Variants in SRRM3 observed in about 807,000 individuals in gnomAD.
SRRM3 encodes serine/arginine repetitive matrix 3, also known as serine/arginine repetitive matrix protein 3.
A neutral mutation model predicts 66.2 loss-of-function variants in SRRM3; 27 were observed. That is an observed-to-expected ratio of 0.41 (90% CI 0.30 to 0.56). The LOEUF (loss-of-function observed/expected upper bound fraction) is 0.56, where lower values mean the gene tolerates loss of function less well. Ranked by LOEUF, SRRM3 falls within the 20% of genes least tolerant of loss-of-function variation. The probability of loss-of-function intolerance (pLI) is 0.32; values close to 1 mark genes in which losing one functional copy is unlikely to be tolerated. For missense variants in SRRM3, 918 were observed against 991.9 expected, an observed-to-expected ratio of 0.93 and a Z score of 1.00; for synonymous variants, 391 against 414.9, an observed-to-expected ratio of 0.94 and a Z score of 0.70.
chr7:76,253,528 G>A (rs1401191919), intron 3 of SRRM3, among the ~76,000 whole-genome samples: 3 of 151,918 alleles, frequency 2.0e-5, no homozygotes, highest in African/African-American at 4.8e-5. Flanking sequence ...AGCTGAGGCA[G>A]GAGAATGGCG....
At chr7:76,207,993 T>C (rs76839897) in intron 1 of SRRM3, among the ~76,000 whole-genome samples, 5,474 of 152,274 alleles carry the variant, frequency 0.036, 232 homozygotes, top group East Asian at 0.15. Flanking sequence ...CCCTGCCCTG[T>C]CCCTCTTGGG....
At position 76,286,199 on chromosome 7, in the gene SRRM3, G is replaced by A. The variant is rs781152668; in HGVS notation, c.*356G>A. On this transcript the variant is annotated 3_prime_UTR_variant, in exon 15 of 15. Coordinates refer to ENST00000611745, the MANE Select transcript of SRRM3 (RefSeq NM_001110199.3). ...TGGATGGTACCAGAGTCCATGATCT[G>A]CTCTGTCACTTCACCTTAGCTCAGT... 1 of 337,120 alleles carries A rather than the reference G, an allele frequency of 3.0e-6. No homozygotes were observed. Among genetic ancestry groups the A allele is most frequent in the Non-Finnish European group, 5.8e-6 (1 of 173,174 alleles). 20.9% of individuals were successfully genotyped at this position (337,120 alleles called of 1,614,324 possible). A position where few individuals can be genotyped will look rare whatever the true frequency, so the allele number is the denominator to read the frequency against.
intron 11 of SRRM3, among the ~76,000 whole-genome samples, chr7:76,274,423 G>A (rs1802289971): frequency 6.6e-6 from 1 of 152,208 alleles, no homozygotes; most frequent in Admixed American, 6.5e-5. Context: ...GCAGTGAGCT[G>A]GCCAGGAGCA....
intron 2 of SRRM3, among the ~76,000 whole-genome samples, chr7:76,245,428 A>C (rs1163231106): frequency 1.3e-5 from 2 of 152,242 alleles, no homozygotes; most frequent in East Asian, 3.9e-4. Flanking sequence ...TGGGTCCAAA[A>C]ATTTTTTAAA....
At chr7:76,216,382 C>T (rs1800572471) in intron 1 of SRRM3, among the ~76,000 whole-genome samples, 1 of 152,206 alleles carries the variant, frequency 6.6e-6, no homozygotes, top group Admixed American at 6.5e-5. Context: ...AGCAGTCTTC[C>T]CACCTTGGCT....
At chr7:76,234,657 CTG>C in intron 1 of SRRM3, among the ~76,000 whole-genome samples, 1 of 152,208 alleles carries the variant, frequency 6.6e-6, no homozygotes, top group Non-Finnish European at 1.5e-5. Context: ...AGAAATATGA[CTG>C]GGGAGTTAAT....
chr7:76,239,512 T>C (rs1364864297), intron 2 of SRRM3, among the ~76,000 whole-genome samples: 2 of 151,882 alleles, frequency 1.3e-5, no homozygotes, highest in East Asian at 3.9e-4. Flanking sequence ...GGCAACATAG[T>C]GAGCCCCCTG....
chr7:76,204,909 CA>C (rs1800257591), intron 1 of SRRM3, among the ~76,000 whole-genome samples: 2 of 152,102 alleles, frequency 1.3e-5, no homozygotes, highest in Admixed American at 1.3e-4. Flanking sequence ...CCCATCTCTA[CA>C]AAAAATTATA....
chr7:76,231,637 C>T (rs1422221379), intron 1 of SRRM3, among the ~76,000 whole-genome samples: 2 of 152,236 alleles, frequency 1.3e-5, no homozygotes, highest in East Asian at 3.9e-4. Context: ...TCTAACGAGC[C>T]AGAATGAAAG....
intron 2 of SRRM3, among the ~76,000 whole-genome samples, chr7:76,247,139 G>A (rs1583904978): frequency 1.3e-5 from 2 of 152,134 alleles, no homozygotes; most frequent in South Asian, 4.1e-4. Context: ...GGAGCAGTGA[G>A]AGAGAATGAC....
chr7:76,275,733 C>G (rs1405985731), intron 11 of SRRM3, among the ~76,000 whole-genome samples: 1 of 152,080 alleles, frequency 6.6e-6, no homozygotes, highest in Admixed American at 6.6e-5. Context: ...GAACACACTG[C>G]CCCTTGCTAC....
rs896031968 is a variant in SRRM3, at chr7:76,283,224, G to A, written c.1733+123G>A. 1.2e-4 allele frequency: 140 copies of A among 1,157,222 alleles called. 1 individual carries two copies. The African/African-American group carries it at 2.1e-3, about 17-fold the overall frequency. 71.7% of individuals were successfully genotyped at this position (1,157,222 alleles called of 1,614,324 possible). On this transcript the variant is annotated intron_variant, in intron 14 of 14. Coordinates refer to ENST00000611745, the MANE Select transcript of SRRM3 (RefSeq NM_001110199.3). ...ACTGAACCTGGCACGGGGATGGGGG[G>A]GGGTGCTAAGGGACAATGAGTGGGT...
intron 1 of SRRM3, among the ~76,000 whole-genome samples, chr7:76,218,674 C>CTTTTTTTTTTTTTTTTTTT (rs11349335): frequency 1.3e-5 from 1 of 76,276 alleles, no homozygotes; most frequent in Non-Finnish European, 2.3e-5. Context: ...GCTTTCTTTT[C>CTTTTTTTTTTTTTTTTTTT]TTTTTTTTTT....
chr7:76,272,672 A>T (rs1171905357), intron 11 of SRRM3, among the ~76,000 whole-genome samples: 4 of 152,076 alleles, frequency 2.6e-5, no homozygotes, highest in Non-Finnish European at 5.9e-5. Context: ...CCCAAAAAAC[A>T]AAAAACCCTA....
chr7:76,235,401 G>A, intron 2 of SRRM3, 102 bp downstream of exon 2: 1 of 1,070,432 alleles, frequency 9.3e-7, no homozygotes, highest in Non-Finnish European at 1.3e-6. Flanking sequence ...TCGTGGGCGG[G>A]GAGAAGGGCG....
chr7:76,230,170 T>C (rs192215285), intron 1 of SRRM3, among the ~76,000 whole-genome samples: 1 of 152,188 alleles, frequency 6.6e-6, no homozygotes, highest in Non-Finnish European at 1.5e-5. Context: ...CAGTGTTCTA[T>C]CCAGTCAATA....
chr7:76,229,964 G>C lies in SRRM3; in HGVS notation c.-39-5064G>C, dbSNP rs7785688. 4.0e-5 allele frequency among the ~76,000 whole-genome samples: 6 copies of C among 151,876 alleles called. No individual in the cohort carries two copies. The East Asian group carries it at 1.2e-3, about 29-fold the overall frequency. ...TCACCATGTTGGCCAGGCTGGTCTC[G>C]AACTCCTGACCTCATGATCTGCCCA... On this transcript the variant is annotated intron_variant, in intron 1 of 14. Transcript: ENST00000611745.
intron 1 of SRRM3, among the ~76,000 whole-genome samples, chr7:76,216,555 A>G (rs1800575628): frequency 1.3e-5 from 2 of 152,188 alleles, no homozygotes; most frequent in African/African-American, 4.8e-5. Flanking sequence ...GAATGCTTAC[A>G]TGGAGCAGAG....
At chr7:76,211,092 G>A (rs781827808) in intron 1 of SRRM3, among the ~76,000 whole-genome samples, 7 of 152,162 alleles carry the variant, frequency 4.6e-5, no homozygotes, top group Admixed American at 2.6e-4. Context: ...GATTACAGGC[G>A]TGAGCCACTG....
Sources: gnomAD v4.1 joint callset for allele counts (sites outside exome capture counted in the v4.1 genomes callset) on GRCh38, gnomAD v4.1.1 for gene constraint, MANE v1.5 for transcripts, NCBI Gene and HGNC (gene_info 2026-07-23, HGNC 2026-07-21) for gene names.